Variants in ATRNL1 observed in about 807,000 individuals in gnomAD.
The protein encoded by ATRNL1 is attractin-like protein 1.
Under a neutral mutation model 182.7 loss-of-function variants are expected in ATRNL1, and 95 were observed. The observed-to-expected ratio is 0.52, with a 90% CI of 0.44 to 0.62. The LOEUF (loss-of-function observed/expected upper bound fraction) is 0.62, where lower values mean the gene tolerates loss of function less well. Among genes scored for constraint, ATRNL1 ranks in the 20% least tolerant of loss-of-function variants. ATRNL1 has a pLI of 0.00. For synonymous variants in ATRNL1, 576 were observed against 568.3 expected, an observed-to-expected ratio of 1.01 and a Z score of -0.19; for missense variants, 1,471 against 1,679.5, an observed-to-expected ratio of 0.88 and a Z score of 2.17.
intron 9 of ATRNL1, among the ~76,000 whole-genome samples, chr10:115,224,227 G>A (rs958026360): frequency 2.2e-4 from 33 of 151,438 alleles, no homozygotes; most frequent in African/African-American, 6.8e-4. Context: ...GAGCCACCGC[G>A]CCTGGCCAAA....
intron 26 of ATRNL1, among the ~76,000 whole-genome samples, chr10:115,613,909 T>A (rs1244183000): frequency 6.6e-6 from 1 of 152,028 alleles, no homozygotes; most frequent in East Asian, 1.9e-4. Flanking sequence ...GTCTCCACTG[T>A]TTTTTTCTTA....
chr10:115,635,150 A>C (rs1407258327), intron 26 of ATRNL1, among the ~76,000 whole-genome samples: 1 of 152,128 alleles, frequency 6.6e-6, no homozygotes, highest in African/African-American at 2.4e-5. Flanking sequence ...CCTGGACCAT[A>C]TTAAAGTAAG....
intron 8 of ATRNL1, among the ~76,000 whole-genome samples, chr10:115,188,617 A>T (rs1296218924): frequency 6.6e-6 from 1 of 152,122 alleles, no homozygotes; most frequent in Non-Finnish European, 1.5e-5. Flanking sequence ...GCCATAATTA[A>T]TGTCATTTAA....
chr10:115,384,442 G>A (rs1858216363), intron 19 of ATRNL1, among the ~76,000 whole-genome samples: 2 of 151,814 alleles, frequency 1.3e-5, no homozygotes, highest in African/African-American at 2.4e-5. Flanking sequence ...CAAATATAAG[G>A]GTTTTTTTTT....
chr10:115,477,330 C>T (rs1400077727), intron 24 of ATRNL1, among the ~76,000 whole-genome samples: 2 of 151,510 alleles, frequency 1.3e-5, no homozygotes, highest in Admixed American at 1.3e-4. Context: ...AAGAATAAAT[C>T]ATCAGGTTTT....
intron 27 of ATRNL1, among the ~76,000 whole-genome samples, chr10:115,846,912 C>T (rs1950941733): frequency 6.6e-6 from 1 of 152,050 alleles, no homozygotes; most frequent in Non-Finnish European, 1.5e-5. Context: ...TCAGTGTTCT[C>T]ATGTTACAGA....
chr10:115,275,271 A>G (rs187788671), intron 13 of ATRNL1, among the ~76,000 whole-genome samples: 12 of 152,170 alleles, frequency 7.9e-5, no homozygotes, highest in Admixed American at 3.9e-4. Context: ...TGTGAGAGGG[A>G]CCTGAACTCC....
chr10:115,127,209 A>C (rs535940331), intron 3 of ATRNL1, among the ~76,000 whole-genome samples: 2 of 152,312 alleles, frequency 1.3e-5, no homozygotes, highest in South Asian at 4.1e-4. Context: ...AATCAGAATG[A>C]GTAAAGGTAC....
At position 115,394,598 on chromosome 10, in the gene ATRNL1, A is replaced by T. The variant is rs1020876631; in HGVS notation, c.3176-61A>T. On this transcript the variant is annotated intron_variant, in intron 19 of 28. Transcript: ENST00000355044. The stretch of plus-strand genomic sequence containing the variant: ...AAATAAGGTAATAATAATACTTGAA[A>T]TGTGAAATGTGCATGTTTGTGATGT... 5 of 1,259,946 alleles carry T rather than the reference A, an allele frequency of 4.0e-6. No individual in the cohort carries two copies. The African/African-American group carries it at 4.4e-5, about 11-fold the overall frequency. 78.0% of individuals were successfully genotyped at this position (1,259,946 alleles called of 1,614,324 possible). A position where few individuals can be genotyped will look rare whatever the true frequency, so the allele number is the denominator to read the frequency against.
chr10:115,271,340 T>C (rs1223061975), intron 13 of ATRNL1, among the ~76,000 whole-genome samples: 4 of 152,130 alleles, frequency 2.6e-5, no homozygotes, highest in Admixed American at 2.6e-4. Context: ...ATGTGCAGGT[T>C]TGTTACATAT....
At chr10:115,514,044 C>T (rs1232053239) in intron 24 of ATRNL1, among the ~76,000 whole-genome samples, 10 of 151,936 alleles carry the variant, frequency 6.6e-5, no homozygotes, top group Admixed American at 5.3e-4. Context: ...TTTACCCATA[C>T]ACTTCATCCC....
At chr10:115,918,048 C>A (rs146351105) in intron 28 of ATRNL1, among the ~76,000 whole-genome samples, 1 of 150,398 alleles carries the variant, frequency 6.6e-6, no homozygotes, top group African/African-American at 2.4e-5. Context: ...AAAAAAAAAT[C>A]TCAGATTTGT....
At chr10:115,589,620 A>G (rs561739432) in intron 26 of ATRNL1, among the ~76,000 whole-genome samples, 31 of 152,220 alleles carry the variant, frequency 2.0e-4, no homozygotes, top group Non-Finnish European at 3.8e-4. Context: ...AGGATGATAT[A>G]TTTTCTTGGC....
intron 26 of ATRNL1, among the ~76,000 whole-genome samples, chr10:115,725,151 CT>C (rs1947554395): frequency 4.6e-5 from 7 of 152,088 alleles, no homozygotes; most frequent in Admixed American, 4.6e-4. Flanking sequence ...TTTTCTTGTT[CT>C]TTACATAAAG....
In ATRNL1 at chr10:115,334,488, G is replaced by C. The variant is rs952792659; in HGVS notation, c.3175+69G>C. On this transcript the variant is annotated intron_variant, in intron 19 of 28. Coordinates refer to ENST00000355044, the MANE Select transcript of ATRNL1 (RefSeq NM_207303.4). ...AAAGATAATTAAGAAAGCAGCGCCT[G>C]TTGTGGAGAATATATACTACTACAG... 28 of 1,265,494 alleles carry C rather than the reference G, an allele frequency of 2.2e-5. No homozygotes were observed. In the African/African-American group the frequency reaches 4.0e-4, roughly 18 times the overall value. 78.4% of individuals were successfully genotyped at this position (1,265,494 alleles called of 1,614,324 possible). A position where few individuals can be genotyped will look rare whatever the true frequency, so the allele number is the denominator to read the frequency against.
rs782784882 is a variant in ATRNL1, at chr10:115,469,165, A to G, written c.3497-7A>G. On this transcript the variant is annotated splice_region_variant and splice_polypyrimidine_tract_variant and intron_variant, in intron 23 of 28. Transcript: ENST00000355044. ...AATATTAATTATTTAAATTATTTAC[A>G]TTTTAGCTGGAACAATATCTGGGGA... The G allele has an allele frequency of 9.0e-7, 1 of 1,109,872 alleles. No homozygotes were observed. Among genetic ancestry groups the G allele is most frequent in the South Asian group, 2.7e-5 (1 of 37,720 alleles). The allele number at this position is 1,109,872 out of a possible 1,614,324, so 68.8% of individuals were successfully genotyped here.
intron 26 of ATRNL1, among the ~76,000 whole-genome samples, chr10:115,559,443 T>TGTGCGTGC (rs200694810): frequency 1.3e-5 from 1 of 77,864 alleles, no homozygotes; most frequent in East Asian, 2.2e-4. Context: ...TGTGTGTGTG[T>TGTGCGTGC]GCGCGCGCGC....
chr10:115,405,233 A>C (rs1360706789), intron 20 of ATRNL1, among the ~76,000 whole-genome samples: 3 of 152,230 alleles, frequency 2.0e-5, no homozygotes, highest in Non-Finnish European at 4.4e-5. Context: ...ACATTGTATG[A>C]AGAAATAAAG....
chr10:115,169,958 G>C (rs960196605), intron 7 of ATRNL1, among the ~76,000 whole-genome samples: 4 of 151,996 alleles, frequency 2.6e-5, no homozygotes, highest in Non-Finnish European at 5.9e-5. Context: ...ACAAGTGTAT[G>C]GAAATACAAT....
Sources: allele counts gnomAD v4.1 joint callset (sites outside exome capture counted in the v4.1 genomes callset), GRCh38; gene constraint gnomAD v4.1.1; transcripts MANE v1.5; gene names NCBI Gene and HGNC (gene_info 2026-07-23, HGNC 2026-07-21).